The following AKAP13 variants were observed in gnomAD, a reference collection of about 807,000 sequenced individuals.
AKAP13 encodes the protein A-kinase anchor protein 13.
A neutral mutation model predicts 264.5 loss-of-function variants in AKAP13; 80 were observed. That is an observed-to-expected ratio of 0.30 (90% confidence interval 0.25 to 0.36). The LOEUF is 0.36. Among genes scored for constraint, AKAP13 ranks in the 10% least tolerant of loss-of-function variants. The probability of loss-of-function intolerance (pLI) is 1.00; values close to 1 mark genes in which losing one functional copy is unlikely to be tolerated. For missense variants in AKAP13, 3,712 were observed against 3,435.2 expected (o/e 1.08, Z -2.01); for synonymous variants, 1,380 against 1,250.2 (o/e 1.10, Z -2.19).
At chr15:85,709,072 T>A (rs2086480918) in intron 18 of AKAP13, among the ~76,000 whole-genome samples, 1 of 152,188 alleles carries the variant, frequency 6.6e-6, no homozygotes, top group Non-Finnish European at 1.5e-5. Flanking sequence ...GACACATATT[T>A]TGTTTGGCTC....
chr15:85,683,012 G>A (rs556500202), intron 15 of AKAP13, among the ~76,000 whole-genome samples: 2 of 152,252 alleles, frequency 1.3e-5, no homozygotes, highest in African/African-American at 4.8e-5. Context: ...TTTTTATTTA[G>A]GTTTTCATGC....
chr15:85,543,616 T>C (rs2077640533), intron 4 of AKAP13, among the ~76,000 whole-genome samples, 156 bp from the exon 5 acceptor site: 1 of 152,230 alleles, frequency 6.6e-6, no homozygotes, highest in Non-Finnish European at 1.5e-5. Context: ...TGATTCTACC[T>C]GGCCACAATA....
At chr15:85,721,561 AC>A (rs1597173625) in intron 23 of AKAP13, among the ~76,000 whole-genome samples, 1 of 152,204 alleles carries the variant, frequency 6.6e-6, no homozygotes, top group Non-Finnish European at 1.5e-5. Context: ...ACAAACAGAT[AC>A]CTAGGTATGA....
intron 2 of AKAP13, among the ~76,000 whole-genome samples, chr15:85,498,113 T>A (rs2075925285): frequency 6.6e-6 from 1 of 151,016 alleles, no homozygotes; most frequent in African/African-American, 2.4e-5. Flanking sequence ...AGCAAACAGT[T>A]TGGAGGAGGA....
At chr15:85,531,931 T>C in intron 3 of AKAP13, among the ~76,000 whole-genome samples, 1 of 152,202 alleles carries the variant, frequency 6.6e-6, no homozygotes, top group East Asian at 1.9e-4. Context: ...TTGCCCTGTT[T>C]ATAGGCAATG....
At chr15:85,717,543 T>C (rs900963982) in intron 21 of AKAP13, 141 bp downstream of exon 21, 1 of 665,532 alleles carries the variant, frequency 1.5e-6, no homozygotes, top group Admixed American at 3.2e-5. Context: ...CAGTAAAGTG[T>C]CCAGTGCTTT....
In AKAP13 at chr15:85,558,896, G is replaced by A. The variant is rs116394042; in HGVS notation, c.662+14941G>A. 8.9e-3 allele frequency among the ~76,000 whole-genome samples: 1,353 copies of A among 151,894 alleles called. 19 individuals carry two copies. Among genetic ancestry groups the A allele is most frequent in the African/African-American group, 0.028 (1,154 of 41,430 alleles). On this transcript the variant is annotated intron_variant, in intron 5 of 36. Coordinates refer to ENST00000394518, the MANE Select transcript of AKAP13 (RefSeq NM_007200.5). The stretch of plus-strand genomic sequence containing the variant: ...CACGAGAAAGCTAAAGAAACTTTTT[G>A]ACATTTTAAAGATGAGTGTGTACTC...
chr15:85,598,286 G>T (rs764678961), intron 8 of AKAP13, among the ~76,000 whole-genome samples: 2 of 152,220 alleles, frequency 1.3e-5, no homozygotes, highest in East Asian at 1.9e-4. Flanking sequence ...TTCTGGAGAG[G>T]ATGCATGATG....
intron 13 of AKAP13, among the ~76,000 whole-genome samples, chr15:85,667,048 A>C (rs1036149561): frequency 3.9e-5 from 6 of 152,208 alleles, no homozygotes; most frequent in African/African-American, 9.6e-5. Flanking sequence ...TTAAAAAAAA[A>C]CTGTTTTTGA....
At chr15:85,519,384 C>T (rs548462128) in intron 2 of AKAP13, among the ~76,000 whole-genome samples, 1 of 152,298 alleles carries the variant, frequency 6.6e-6, no homozygotes, top group Non-Finnish European at 1.5e-5. Flanking sequence ...CTGGAATTGA[C>T]TTGTGGGTCA....
intron 8 of AKAP13, among the ~76,000 whole-genome samples, chr15:85,636,902 G>A (rs541191295): frequency 3.9e-5 from 6 of 152,276 alleles, no homozygotes; most frequent in Middle Eastern, 3.4e-3. Context: ...GGCATGAGCC[G>A]CCGCTCCCGG....
intron 17 of AKAP13, among the ~76,000 whole-genome samples, chr15:85,704,470 T>A (rs1166186844): frequency 6.6e-6 from 1 of 152,212 alleles, no homozygotes; most frequent in African/African-American, 2.4e-5. Flanking sequence ...AAAAAAAAGA[T>A]ACAGCAATAG....
chr15:85,456,982 A>G (rs974890884), intron 1 of AKAP13, among the ~76,000 whole-genome samples: 4 of 152,208 alleles, frequency 2.6e-5, no homozygotes, highest in African/African-American at 7.2e-5. Flanking sequence ...ACTGTGAGTC[A>G]GGCACCAACT....
At chr15:85,434,114 G>A (rs1440854657) in intron 1 of AKAP13, among the ~76,000 whole-genome samples, 3 of 151,800 alleles carry the variant, frequency 2.0e-5, no homozygotes, top group South Asian at 2.1e-4. Context: ...GTGGGTGCGC[G>A]CACCGTGCGC....
intron 29 of AKAP13, among the ~76,000 whole-genome samples, chr15:85,729,971 A>C (rs895634124): frequency 2.6e-5 from 4 of 152,024 alleles, no homozygotes; most frequent in African/African-American, 7.2e-5. Flanking sequence ...AAAACAAAAA[A>C]AAAAGAAGAC....
rs1292714105 is a variant in AKAP13, at chr15:85,718,103, G to A, written c.5945G>A (p.Ser1982Asn). 2 of 1,614,132 alleles carry A rather than the reference G, an allele frequency of 1.2e-6. No homozygotes were observed. Among genetic ancestry groups the A allele is most frequent in the East Asian group, 2.2e-5 (1 of 44,872 alleles). The change falls in exon 22 of 37, where the codon AGC becomes AAC. Residue 1982 changes from serine (S) to asparagine (N), a missense_variant. Coordinates refer to ENST00000394518, the MANE Select transcript of AKAP13 (RefSeq NM_007200.5). This position sits in a 1 kb window ranked among gnomAD's most constrained non-coding sequence, Gnocchi z 4.9. Reference protein sequence around the residue: ...EAESWSRIIDSKFLKQQKKDV... With the variant: ...EAESWSRIIDNKFLKQQKKDV... ...GAGTCTTGGAGTCGGATAATAGACA[G>A]CAAGTTTCTAAAACAGCAAAAGAAA... is the stretch of plus-strand genomic sequence containing the variant.
At chr15:85,644,849 T>G (rs1596868921) in intron 9 of AKAP13, among the ~76,000 whole-genome samples, 1 of 152,284 alleles carries the variant, frequency 6.6e-6, no homozygotes, top group Middle Eastern at 3.4e-3. Flanking sequence ...AGTAATGGAC[T>G]TGGGTTCTTG....
At chr15:85,567,295 A>G (rs2078639454) in intron 5 of AKAP13, among the ~76,000 whole-genome samples, 1 of 151,804 alleles carries the variant, frequency 6.6e-6, no homozygotes, top group South Asian at 2.1e-4. Flanking sequence ...TTTAGTAGAG[A>G]CGGGGTTTCA....
intron 1 of AKAP13, among the ~76,000 whole-genome samples, chr15:85,419,718 G>A (rs901142915): frequency 6.6e-6 from 1 of 152,074 alleles, no homozygotes; most frequent in African/African-American, 2.4e-5. Context: ...AAGCTTGAAA[G>A]ATAGTATATG....
Sources: allele counts gnomAD v4.1 joint callset (sites outside exome capture counted in the v4.1 genomes callset), GRCh38; gene constraint gnomAD v4.1.1; non-coding constraint Gnocchi (gnomAD v3.1); transcripts MANE v1.5; gene names NCBI Gene and HGNC (gene_info 2026-07-23, HGNC 2026-07-21).